Variants in LCORL observed in about 807,000 individuals in gnomAD.
The protein encoded by LCORL is ligand dependent nuclear receptor corepressor like.
A neutral mutation model predicts 141.8 loss-of-function variants in LCORL; 41 were observed. That is an observed-to-expected ratio of 0.29 (90% CI 0.23 to 0.38). LCORL has a LOEUF of 0.38. Ranked by LOEUF, LCORL falls within the 10% of genes least tolerant of loss-of-function variation. The pLI is 1.00. For synonymous variants in LCORL, 618 were observed against 694.1 expected (o/e 0.89, Z 1.72); for missense variants, 1,759 against 2,035.0 (o/e 0.86, Z 2.61).
At chr4:17,957,198 G>GA (rs1712829413) in intron 4 of LCORL, among the ~76,000 whole-genome samples, 1 of 151,966 alleles carries the variant, frequency 6.6e-6, no homozygotes, top group Non-Finnish European at 1.5e-5. Flanking sequence ...AAGCCTGGTA[G>GA]AGACAAAAAT....
chr4:17,993,550 G>C (rs1459355469), intron 1 of LCORL, among the ~76,000 whole-genome samples: 1 of 152,084 alleles, frequency 6.6e-6, no homozygotes, highest in Non-Finnish European at 1.5e-5. Flanking sequence ...AAAAAAAATG[G>C]TATGAGTAAA....
intron 4 of LCORL, among the ~76,000 whole-genome samples, chr4:17,913,128 A>G (rs1732847186): frequency 6.6e-6 from 1 of 152,222 alleles, no homozygotes; most frequent in South Asian, 2.1e-4. Flanking sequence ...GTGAGGACAA[A>G]AATCCATTTT....
intron 5 of LCORL, among the ~76,000 whole-genome samples, chr4:17,901,948 A>C (rs147485814): frequency 6.6e-6 from 1 of 152,218 alleles, no homozygotes; most frequent in African/African-American, 2.4e-5. Context: ...GTCTGTGTAC[A>C]TCCAATATGG....
rs1414986601 is a variant in LCORL, at chr4:17,940,025, T to TAC, written c.430+21876_430+21877dup. 2.3e-3 allele frequency among the ~76,000 whole-genome samples: 341 copies of TAC among 149,606 alleles called. 3 individuals carry two copies. Among genetic ancestry groups the TAC allele is most frequent in the African/African-American group, 7.9e-3 (324 of 40,918 alleles). ...ACACTATATGGTATATATGCATATA[T>TAC]ACACCATATGCATATATATACACAC... On this transcript the variant is annotated intron_variant, in intron 4 of 7. Transcript: ENST00000635767.
At chr4:18,020,985 G>C (rs1395312181) in intron 1 of LCORL, among the ~76,000 whole-genome samples, 1 of 152,182 alleles carries the variant, frequency 6.6e-6, no homozygotes, top group Non-Finnish European at 1.5e-5. Context: ...CGAGAGGGCA[G>C]AGTTGGGCGC....
intron 5 of LCORL, among the ~76,000 whole-genome samples, chr4:17,907,803 G>A (rs909769700): frequency 2.6e-5 from 4 of 152,190 alleles, no homozygotes; most frequent in African/African-American, 4.8e-5. Context: ...ATTGTAGCCC[G>A]GGGAAGCCAA....
chr4:18,003,610 T>C (rs1349425552), intron 1 of LCORL, among the ~76,000 whole-genome samples: 3 of 152,124 alleles, frequency 2.0e-5, no homozygotes, highest in Admixed American at 2.0e-4. Context: ...CTGAGAGACA[T>C]ACAAGTGGAG....
At chr4:17,914,366 G>C (rs551552990) in intron 4 of LCORL, among the ~76,000 whole-genome samples, 2 of 152,216 alleles carry the variant, frequency 1.3e-5, no homozygotes, top group Non-Finnish European at 2.9e-5. Flanking sequence ...CTGTCATAAA[G>C]GACAGACATT....
intron 7 of LCORL, among the ~76,000 whole-genome samples, chr4:17,848,906 G>A (rs978892193): frequency 1.2e-4 from 17 of 147,790 alleles, no homozygotes; most frequent in East Asian, 6.1e-4. Flanking sequence ...AGGGTCCTAC[G>A]CCCACAGAGT....
At position 17,983,252 on chromosome 4, in the gene LCORL, T is replaced by C. The variant is rs112432729; in HGVS notation, c.155-10367A>G. On this transcript the variant is annotated intron_variant, in intron 1 of 7. Coordinates refer to ENST00000635767, the Ensembl canonical transcript of LCORL. Reference sequence around the variant, plus strand: ...AGGATTGCCTTGGCTATTCAGGCTCTTTTTTGGTTCAATACAAATTTACAA... The same window carrying C: ...AGGATTGCCTTGGCTATTCAGGCTCCTTTTTGGTTCAATACAAATTTACAA... Among the ~76,000 whole-genome samples, 1,185 of 152,340 alleles carry C rather than the reference T, an allele frequency of 7.8e-3. 11 individuals are homozygous for C. The highest frequency in any genetic ancestry group is 0.027 in the African/African-American group (1,121 of 41,574).
chr4:17,872,070 G>T (rs375992466), intron 7 of LCORL, among the ~76,000 whole-genome samples: 1 of 116,966 alleles, frequency 8.5e-6, no homozygotes, highest in Non-Finnish European at 1.9e-5. Flanking sequence ...GTTTTAAAAA[G>T]AGTAGTAAAA....
intron 1 of LCORL, among the ~76,000 whole-genome samples, chr4:17,994,139 A>T (rs966973466): frequency 5.9e-5 from 9 of 152,152 alleles, no homozygotes; most frequent in African/African-American, 1.9e-4. Context: ...CAGGTGGAAG[A>T]TGGGGTCTAA....
At chr4:17,989,590 G>A (rs2109768312) in intron 1 of LCORL, among the ~76,000 whole-genome samples, 1 of 152,254 alleles carries the variant, frequency 6.6e-6, no homozygotes, top group East Asian at 1.9e-4. Flanking sequence ...AGCCGCATCA[G>A]TAAAAACTTG....
chr4:17,859,046 T>G (rs1724689377), intron 7 of LCORL, among the ~76,000 whole-genome samples: 1 of 151,758 alleles, frequency 6.6e-6, no homozygotes, highest in Non-Finnish European at 1.5e-5. Context: ...TAACTTAGAG[T>G]TTTTCAACTT....
chr4:18,001,466 C>T (rs1721947593), intron 1 of LCORL, among the ~76,000 whole-genome samples: 1 of 152,038 alleles, frequency 6.6e-6, no homozygotes, highest in Non-Finnish European at 1.5e-5. Context: ...AGGCTTTATC[C>T]TAAGGTCAAT....
intron 1 of LCORL, among the ~76,000 whole-genome samples, chr4:17,992,379 G>A (rs979124629): frequency 4.6e-5 from 7 of 152,152 alleles, no homozygotes; most frequent in Non-Finnish European, 8.8e-5. Context: ...CCCCTAACAC[G>A]TGGGGATTAC....
chr4:17,997,229 T>C (rs568593082), intron 1 of LCORL, among the ~76,000 whole-genome samples: 2 of 152,302 alleles, frequency 1.3e-5, no homozygotes, highest in South Asian at 4.1e-4. Flanking sequence ...AAATGATGTC[T>C]CAACGCCTTC....
At chr4:17,978,176 T>G (rs938581563) in intron 1 of LCORL, among the ~76,000 whole-genome samples, 2 of 152,230 alleles carry the variant, frequency 1.3e-5, no homozygotes, top group African/African-American at 4.8e-5. Context: ...CTTTTTTGCA[T>G]ATCTAATACT....
intron 1 of LCORL, among the ~76,000 whole-genome samples, chr4:17,980,920 T>C (rs1717873464): frequency 6.6e-6 from 1 of 152,086 alleles, no homozygotes; most frequent in Admixed American, 6.5e-5. Flanking sequence ...GGGGAACAGG[T>C]TCATCCCAAA....
Sources: allele counts gnomAD v4.1 joint callset (sites outside exome capture counted in the v4.1 genomes callset), GRCh38; gene constraint gnomAD v4.1.1; transcripts MANE v1.5; gene names NCBI Gene and HGNC (gene_info 2026-07-23, HGNC 2026-07-21).